The following EEFSEC variants were observed in gnomAD, a reference collection of about 807,000 sequenced individuals.
EEFSEC encodes the protein selenocysteine-specific elongation factor.
EEFSEC carries 43 observed loss-of-function variants against 42.1 expected under a neutral mutation model. That is an observed-to-expected ratio of 1.02 (90% confidence interval 0.80 to 1.32). The LOEUF (loss-of-function observed/expected upper bound fraction) is 1.32, where lower values mean the gene tolerates loss of function less well. Among genes scored for constraint, EEFSEC ranks in the 40% most tolerant of loss-of-function variants. The probability of loss-of-function intolerance (pLI) is 0.00; values close to 1 mark genes in which losing one functional copy is unlikely to be tolerated. For missense variants in EEFSEC, 745 were observed against 803.6 expected, an observed-to-expected ratio of 0.93 and a Z score of 0.88; for synonymous variants, 354 against 339.1, an observed-to-expected ratio of 1.04 and a Z score of -0.48.
At chr3:128,268,829 T>G (rs2066383452) in intron 4 of EEFSEC, among the ~76,000 whole-genome samples, 1 of 152,162 alleles carries the variant, frequency 6.6e-6, no homozygotes, top group Non-Finnish European at 1.5e-5. Context: ...ACACGTCGAT[T>G]TGGACTTCTG....
intron 1 of EEFSEC, among the ~76,000 whole-genome samples, chr3:128,236,599 A>C (rs2066013446): frequency 1.3e-5 from 2 of 152,218 alleles, no homozygotes; most frequent in African/African-American, 4.8e-5. Context: ...TGTTACTAGT[A>C]AGGTGTGATG....
At position 128,230,968 on chromosome 3, in the gene EEFSEC, G is replaced by A. The variant is rs1002672949; in HGVS notation, c.317-15868G>A. On this transcript the variant is annotated intron_variant, in intron 1 of 6. Coordinates refer to ENST00000254730, the MANE Select transcript of EEFSEC (RefSeq NM_021937.5). Reference sequence around the variant, plus strand: ...GTGACCTTCAGGTAGGTGGCCGGTGGAACTAATTTATGTTGCCTCAGATCA... The same window carrying A: ...GTGACCTTCAGGTAGGTGGCCGGTGAAACTAATTTATGTTGCCTCAGATCA... Among the ~76,000 whole-genome samples, 4 of 152,232 alleles carry A rather than the reference G, an allele frequency of 2.6e-5. No individual in the cohort carries two copies. The East Asian group carries it at 5.8e-4, about 22-fold the overall frequency.
chr3:128,357,843 A>G (rs1576668155), intron 5 of EEFSEC, among the ~76,000 whole-genome samples: 1 of 151,738 alleles, frequency 6.6e-6, no homozygotes, highest in African/African-American at 2.4e-5. Context: ...ATTCAAAGCT[A>G]CTTCTATCCC....
intron 4 of EEFSEC, among the ~76,000 whole-genome samples, chr3:128,325,425 C>T (rs577717944): frequency 2.5e-4 from 38 of 152,314 alleles, no homozygotes; most frequent in African/African-American, 8.7e-4. Flanking sequence ...GCTACTGACT[C>T]TCAGTTTCCT....
chr3:128,297,615 C>T (rs951878025), intron 4 of EEFSEC, among the ~76,000 whole-genome samples: 12 of 152,192 alleles, frequency 7.9e-5, no homozygotes, highest in Non-Finnish European at 7.3e-5. Context: ...GCCTCATTCT[C>T]ATGTCTCGGA....
chr3:128,337,556 C>T (rs1245126624), intron 4 of EEFSEC, among the ~76,000 whole-genome samples: 1 of 152,180 alleles, frequency 6.6e-6, no homozygotes, highest in Non-Finnish European at 1.5e-5. Flanking sequence ...AATCTCAGCT[C>T]GGTGCTTTGC....
At chr3:128,162,520 G>A (rs2065200786) in intron 1 of EEFSEC, among the ~76,000 whole-genome samples, 1 of 152,212 alleles carries the variant, frequency 6.6e-6, no homozygotes, top group Non-Finnish European at 1.5e-5. Context: ...TTTGTCTGCG[G>A]CACCTTCTCT....
chr3:128,232,108 C>T (rs1452486401), intron 1 of EEFSEC, among the ~76,000 whole-genome samples: 4 of 152,070 alleles, frequency 2.6e-5, no homozygotes, highest in Non-Finnish European at 1.5e-5. Context: ...CTGTATAACT[C>T]GTATCATCTC....
At chr3:128,254,361 C>T (rs539470182) in intron 2 of EEFSEC, among the ~76,000 whole-genome samples, 47 of 152,310 alleles carry the variant, frequency 3.1e-4, no homozygotes, top group Admixed American at 1.4e-3. Flanking sequence ...CTGGTATAGA[C>T]GACTGGTGGT....
In EEFSEC at chr3:128,317,689, A is replaced by G. The variant is rs542622170; in HGVS notation, c.787-23544A>G. Among the ~76,000 whole-genome samples the G allele has an allele frequency of 1.3e-5, 2 of 152,286 alleles. No homozygotes were observed. Among genetic ancestry groups the G allele is most frequent in the African/African-American group, 2.4e-5 (1 of 41,572 alleles). ...CCTTGGCCTGACCCTCGGGCTTTGC[A>G]CTGCCTGGCTCCTGCCTCAGCTGCA... On this transcript the variant is annotated intron_variant, in intron 4 of 6. Coordinates refer to ENST00000254730, the MANE Select transcript of EEFSEC (RefSeq NM_021937.5). This position sits in a 1 kb window ranked among gnomAD's most constrained non-coding sequence, Gnocchi z 4.1.
At chr3:128,162,637 A>G (rs1490992989) in intron 1 of EEFSEC, among the ~76,000 whole-genome samples, 1 of 152,264 alleles carries the variant, frequency 6.6e-6, no homozygotes, top group Non-Finnish European at 1.5e-5. Context: ...ATATTTGAGC[A>G]GGAACCAACA....
intron 4 of EEFSEC, among the ~76,000 whole-genome samples, chr3:128,266,349 T>C (rs1259481896): frequency 2.0e-5 from 3 of 152,078 alleles, no homozygotes; most frequent in Non-Finnish European, 4.4e-5. Flanking sequence ...GGGTCCCTAC[T>C]GGCACCCATG....
the EEFSEC span, among the ~76,000 whole-genome samples, chr3:128,426,202 C>T: frequency 6.6e-6 from 1 of 152,214 alleles, no homozygotes; most frequent in Non-Finnish European, 1.5e-5. Context: ...CATGGAAGTG[C>T]GCTGAACACC....
At chr3:128,232,815 G>A (rs994714921) in intron 1 of EEFSEC, among the ~76,000 whole-genome samples, 8 of 152,198 alleles carry the variant, frequency 5.3e-5, no homozygotes, top group Non-Finnish European at 4.4e-5. Flanking sequence ...CCCTGGTTAG[G>A]TTGGGAGCCC....
chr3:128,377,801 A>G (rs968746363), intron 6 of EEFSEC, among the ~76,000 whole-genome samples: 1 of 152,258 alleles, frequency 6.6e-6, no homozygotes, highest in African/African-American at 2.4e-5. Context: ...AGTGTTTCCC[A>G]AAAGTACAGT....
intron 1 of EEFSEC, among the ~76,000 whole-genome samples, chr3:128,181,681 G>A (rs1165360202): frequency 2.0e-5 from 3 of 152,142 alleles, no homozygotes; most frequent in Non-Finnish European, 4.4e-5. Context: ...GGTGGGGGGC[G>A]GTCCTCATCA....
At chr3:128,204,229 C>T (rs901278163) in intron 1 of EEFSEC, among the ~76,000 whole-genome samples, 42 of 152,224 alleles carry the variant, frequency 2.8e-4, no homozygotes, top group African/African-American at 7.2e-4. Context: ...GTGACTTACC[C>T]ACTTTTTACC....
At chr3:128,355,005 G>A (rs1453499886) in intron 5 of EEFSEC, among the ~76,000 whole-genome samples, 1 of 152,198 alleles carries the variant, frequency 6.6e-6, no homozygotes, top group South Asian at 2.1e-4. Flanking sequence ...TGGGCTGTTG[G>A]CTCACTCTCA....
intron 1 of EEFSEC, among the ~76,000 whole-genome samples, chr3:128,175,254 C>G (rs2065337350): frequency 6.6e-6 from 1 of 152,150 alleles, no homozygotes; most frequent in African/African-American, 2.4e-5. Flanking sequence ...TGGAGATACT[C>G]TAATGCTAGG....
Sources: gnomAD v4.1 joint callset for allele counts (sites outside exome capture counted in the v4.1 genomes callset) on GRCh38, gnomAD v4.1.1 for gene constraint, Gnocchi (gnomAD v3.1) non-coding constraint, MANE v1.5 for transcripts, NCBI Gene and HGNC (gene_info 2026-07-23, HGNC 2026-07-21) for gene names.